SFMBT2: variants seen among roughly 807,000 people sequenced by gnomAD.
SFMBT2 encodes Scm like with four mbt domains 2.
A neutral mutation model predicts 110.1 loss-of-function variants in SFMBT2; 38 were observed. The ratio of observed to expected loss-of-function variants is 0.35; its 90% CI spans 0.27 to 0.45. The LOEUF is 0.45. Among genes scored for constraint, SFMBT2 ranks in the 20% least tolerant of loss-of-function variants. The pLI, the probability that SFMBT2 is intolerant of heterozygous loss-of-function variation, is 1.00. For missense variants in SFMBT2, 1,011 were observed against 1,094.9 expected, an observed-to-expected ratio of 0.92 and a Z score of 1.08; for synonymous variants, 425 against 425.4, an observed-to-expected ratio of 1.00 and a Z score of 0.01.
At chr10:7,240,783 G>A (rs1056190705) in intron 9 of SFMBT2, among the ~76,000 whole-genome samples, 1 of 152,134 alleles carries the variant, frequency 6.6e-6, no homozygotes, top group Admixed American at 6.5e-5. Flanking sequence ...AAGAGTCACT[G>A]AGCTTCTTGT....
intron 4 of SFMBT2, among the ~76,000 whole-genome samples, chr10:7,305,171 A>C (rs1842657436): frequency 6.6e-6 from 1 of 152,244 alleles, no homozygotes; most frequent in South Asian, 2.1e-4. Flanking sequence ...AATCTCAAAA[A>C]TAAACCTTCA....
At chr10:7,298,391 T>A (rs1269299041) in intron 4 of SFMBT2, among the ~76,000 whole-genome samples, 1 of 152,208 alleles carries the variant, frequency 6.6e-6, no homozygotes, top group African/African-American at 2.4e-5. Context: ...GGTCACCACA[T>A]GTGAACTGCT....
intron 16 of SFMBT2, among the ~76,000 whole-genome samples, chr10:7,187,201 A>T (rs1419396246): frequency 6.6e-6 from 1 of 152,164 alleles, no homozygotes; most frequent in Non-Finnish European, 1.5e-5. Flanking sequence ...TACTTTTATT[A>T]TATCTGTGTC....
chr10:7,227,775 T>C, intron 10 of SFMBT2, 80 bp downstream of exon 10: 5 of 1,247,230 alleles, frequency 4.0e-6, no homozygotes, highest in Non-Finnish European at 5.8e-6. Context: ...CCGTGCTTCA[T>C]CAATAAAAAG....
chr10:7,378,994 G>A (rs1050454099), intron 2 of SFMBT2, among the ~76,000 whole-genome samples: 1 of 152,068 alleles, frequency 6.6e-6, no homozygotes, highest in Non-Finnish European at 1.5e-5. Flanking sequence ...TCACCTTGTC[G>A]TCCAGTCTCC....
Position 7,324,961 on chromosome 10 carries a change from C to CTTTTT in SFMBT2, c.437-39012_437-39008dup, listed in dbSNP as rs869253757. Among the ~76,000 whole-genome samples, 177 of 92,116 alleles carry CTTTTT rather than the reference C, an allele frequency of 1.9e-3. 1 individual carries two copies. The highest frequency in any genetic ancestry group is 0.01 in the Middle Eastern group (1 of 98). The allele number at this position is 92,116 out of a possible 152,430, so 60.4% of individuals were successfully genotyped here. On this transcript the variant is annotated intron_variant, in intron 4 of 20. Transcript: ENST00000397167. Reference sequence around the variant, plus strand: ...CTTAATTACTTCCTTAGAGGCCCCACTTTTTTTTTTTTTTTTTTTTTTTTG... The same window carrying CTTTTT: ...CTTAATTACTTCCTTAGAGGCCCCACTTTTTTTTTTTTTTTTTTTTTTTTTTTTTG...
intron 16 of SFMBT2, 75 bp downstream of exon 16, chr10:7,188,549 G>C: frequency 8.7e-7 from 1 of 1,151,606 alleles, no homozygotes. Flanking sequence ...GTGTCACAAA[G>C]AGAAGTGGCA....
At chr10:7,338,044 C>A (rs1843769994) in intron 4 of SFMBT2, among the ~76,000 whole-genome samples, 1 of 152,182 alleles carries the variant, frequency 6.6e-6, no homozygotes, top group African/African-American at 2.4e-5. Context: ...GCTAACCCAG[C>A]CCTCCACACA....
At chr10:7,251,225 C>T (rs149131619) in intron 7 of SFMBT2, among the ~76,000 whole-genome samples, 1 of 151,852 alleles carries the variant, frequency 6.6e-6, no homozygotes, top group African/African-American at 2.4e-5. Flanking sequence ...CCTGTAATCC[C>T]AGCACTTTGG....
intron 4 of SFMBT2, among the ~76,000 whole-genome samples, chr10:7,358,853 T>G (rs941928647): frequency 1.3e-5 from 2 of 151,888 alleles, no homozygotes; most frequent in African/African-American, 4.8e-5. Context: ...CCCTAGAACA[T>G]CTGCATACCC....
At chr10:7,277,212 T>A (rs980156940) in intron 6 of SFMBT2, among the ~76,000 whole-genome samples, 2 of 152,210 alleles carry the variant, frequency 1.3e-5, no homozygotes, top group African/African-American at 2.4e-5. Flanking sequence ...ATAAACTTAA[T>A]AGAGCTCTTC....
intron 4 of SFMBT2, among the ~76,000 whole-genome samples, chr10:7,330,127 G>A (rs957998532): frequency 3.3e-5 from 5 of 152,044 alleles, no homozygotes; most frequent in South Asian, 2.1e-4. Flanking sequence ...GGTTGTAAAC[G>A]TTTTTTAGAG....
chr10:7,298,437 C>T (rs764359600), intron 4 of SFMBT2, among the ~76,000 whole-genome samples: 3 of 152,212 alleles, frequency 2.0e-5, no homozygotes, highest in African/African-American at 4.8e-5. Context: ...ACAGCCAGGC[C>T]AGTTCCCTAG....
chr10:7,314,014 A>G (rs1359907481), intron 4 of SFMBT2, among the ~76,000 whole-genome samples: 2 of 152,248 alleles, frequency 1.3e-5, no homozygotes, highest in Admixed American at 1.3e-4. Context: ...ATTTATCTAC[A>G]TGCTATTTTC....
chr10:7,345,359 AT>A (rs1197754781), intron 4 of SFMBT2, among the ~76,000 whole-genome samples: 2 of 152,102 alleles, frequency 1.3e-5, no homozygotes, highest in African/African-American at 2.4e-5. Flanking sequence ...AAAAATATTT[AT>A]TTTTACTTGT....
chr10:7,317,502 G>C (rs567648932), intron 4 of SFMBT2, among the ~76,000 whole-genome samples: 2 of 152,002 alleles, frequency 1.3e-5, no homozygotes, highest in Non-Finnish European at 2.9e-5. Flanking sequence ...TTAGCCAGGC[G>C]TGGTGGCGCA....
chr10:7,274,811 C>A (rs577825593), intron 7 of SFMBT2, among the ~76,000 whole-genome samples: 5 of 151,986 alleles, frequency 3.3e-5, no homozygotes, highest in African/African-American at 1.2e-4. Flanking sequence ...GCTATGATCA[C>A]CCCACTGCAC....
Position 7,349,440 on chromosome 10 carries a change from CTTTTTTTTTTTTTTT to C in SFMBT2, c.436+18194_436+18208del, listed in dbSNP as rs369479041. ...CCCTGACTCTTTTTTCTTTTCTTTT[CTTTTTTTTTTTTTTT>C]TTTTTTTTTTTGCGGGGGGGAGACG... On this transcript the variant is annotated intron_variant, in intron 4 of 20. Coordinates refer to ENST00000397167, the MANE Select transcript of SFMBT2 (RefSeq NM_001387889.1). Among the ~76,000 whole-genome samples the C allele has an allele frequency of 3.5e-3, 165 of 46,898 alleles. 2 individuals are homozygous for C. The highest frequency in any genetic ancestry group is 0.071 in the Middle Eastern group (2 of 28). The allele number at this position is 46,898 out of a possible 152,430, so 30.8% of individuals were successfully genotyped here.
intron 6 of SFMBT2, chr10:7,277,574 C>T (rs1841821962): frequency 1.2e-5 from 2 of 167,684 alleles, no homozygotes; most frequent in South Asian, 1.9e-4. Context: ...TATTTTTCCC[C>T]AGGCAGTGGG....
Sources: gnomAD v4.1 joint callset for allele counts (sites outside exome capture counted in the v4.1 genomes callset) on GRCh38, gnomAD v4.1.1 for gene constraint, MANE v1.5 for transcripts, NCBI Gene and HGNC (gene_info 2026-07-23, HGNC 2026-07-21) for gene names.